RAPGEF4: variants seen among roughly 807,000 people sequenced by gnomAD.
RAPGEF4 encodes the protein RAP guanine-nucleotide-exchange factor (GEF) 4.
In RAPGEF4, 66 loss-of-function variants were observed where a neutral mutation model predicts 147.9. That is an observed-to-expected ratio of 0.45 (90% CI 0.37 to 0.55). The LOEUF (loss-of-function observed/expected upper bound fraction) is 0.55, where lower values mean the gene tolerates loss of function less well. Among genes scored for constraint, RAPGEF4 ranks in the 20% least tolerant of loss-of-function variants. RAPGEF4 has a pLI of 0.00. For synonymous variants in RAPGEF4, 419 were observed against 442.7 expected (o/e 0.95, Z 0.67); for missense variants, 1,071 against 1,257.3 (o/e 0.85, Z 2.24).
chr2:173,028,399 C>T (rs1174650931), intron 25 of RAPGEF4, among the ~76,000 whole-genome samples: 2 of 152,184 alleles, frequency 1.3e-5, no homozygotes, highest in African/African-American at 4.8e-5. Flanking sequence ...AAGAAGCACA[C>T]TCTCTCTCTT....
At chr2:172,770,637 A>G (rs997658141) in intron 1 of RAPGEF4, among the ~76,000 whole-genome samples, 1 of 152,136 alleles carries the variant, frequency 6.6e-6, no homozygotes, top group African/African-American at 2.4e-5. Context: ...TTCACATTGC[A>G]CCCACAGCAT....
At chr2:172,979,781 T>C (rs56281308) in intron 10 of RAPGEF4, among the ~76,000 whole-genome samples, 11,119 of 152,234 alleles carry the variant, frequency 0.073, 602 homozygotes, top group South Asian at 0.16. Flanking sequence ...TTTGGGAGGC[T>C]AAGGCGGGTG....
chr2:173,028,479 G>A (rs577595340), intron 25 of RAPGEF4, among the ~76,000 whole-genome samples: 48 of 152,324 alleles, frequency 3.2e-4, no homozygotes, highest in African/African-American at 1.1e-3. Context: ...TGGGAAGCCA[G>A]AAAATCTTTT....
At chr2:172,864,763 G>C (rs1410082304) in intron 4 of RAPGEF4, among the ~76,000 whole-genome samples, 1 of 152,182 alleles carries the variant, frequency 6.6e-6, no homozygotes, top group African/African-American at 2.4e-5. Context: ...AAATTAGCCA[G>C]GCATGGTGGC....
chr2:172,901,948 T>C (rs1451799028), intron 4 of RAPGEF4, among the ~76,000 whole-genome samples: 1 of 151,972 alleles, frequency 6.6e-6, no homozygotes, highest in East Asian at 1.9e-4. Context: ...GGCATGCCAA[T>C]GACAGAGACA....
intron 4 of RAPGEF4, among the ~76,000 whole-genome samples, chr2:172,852,833 A>G (rs1575042840): frequency 1.3e-5 from 2 of 152,230 alleles, no homozygotes; most frequent in African/African-American, 2.4e-5. Context: ...ACACATTGAT[A>G]TTAAATGTTG....
chr2:173,024,010 T>C (rs1696384600), intron 23 of RAPGEF4, among the ~76,000 whole-genome samples: 1 of 152,124 alleles, frequency 6.6e-6, no homozygotes, highest in Admixed American at 6.5e-5. Context: ...TTGAAATCAT[T>C]CTCCTCATTT....
At chr2:172,856,282 A>G (rs1466297040) in intron 4 of RAPGEF4, among the ~76,000 whole-genome samples, 1 of 151,992 alleles carries the variant, frequency 6.6e-6, no homozygotes, top group Non-Finnish European at 1.5e-5. Flanking sequence ...TGTGTTTTTT[A>G]GTTCTAGAAT....
At chr2:172,836,219 T>A (rs1413383110) in intron 4 of RAPGEF4, among the ~76,000 whole-genome samples, 2 of 152,156 alleles carry the variant, frequency 1.3e-5, no homozygotes, top group Non-Finnish European at 2.9e-5. Flanking sequence ...ATGCCAAAAA[T>A]CTCTCATGTA....
chr2:172,921,101 T>G (rs1264387385), intron 5 of RAPGEF4, among the ~76,000 whole-genome samples: 2 of 152,020 alleles, frequency 1.3e-5, no homozygotes, highest in East Asian at 3.9e-4. Context: ...GTTTTTTGCT[T>G]TTTTGTTTTT....
chr2:172,922,307 A>G lies in RAPGEF4; in HGVS notation c.537+7A>G. ...GATTCCTGACAAGGAGAACGTGAGT[A>G]GCTACTCTCTCTGCCTATCTTCTAA... On this transcript the variant is annotated splice_region_variant and intron_variant, in intron 6 of 30. Transcript: ENST00000397081. 6.2e-7 allele frequency: 1 copy of G among 1,604,452 alleles called. No individual in the cohort carries two copies. The highest frequency in any genetic ancestry group is 8.5e-7 in the Non-Finnish European group (1 of 1,171,380).
At chr2:172,849,074 CT>C (rs71018522) in intron 4 of RAPGEF4, among the ~76,000 whole-genome samples, 461 of 134,092 alleles carry the variant, frequency 3.4e-3, no homozygotes, top group Middle Eastern at 7.6e-3. Context: ...GGGAGCTTTT[CT>C]TTTTTTTTTT....
chr2:172,937,195 T>C (rs953411894), intron 6 of RAPGEF4, among the ~76,000 whole-genome samples: 1 of 151,982 alleles, frequency 6.6e-6, no homozygotes, highest in Non-Finnish European at 1.5e-5. Context: ...TACTCCAGCC[T>C]GGGCAGCAGA....
At chr2:172,759,289 T>A (rs1007046786) in intron 1 of RAPGEF4, among the ~76,000 whole-genome samples, 3 of 152,220 alleles carry the variant, frequency 2.0e-5, no homozygotes, top group African/African-American at 7.2e-5. Context: ...AGATTTTGCA[T>A]ACAAAGTGCA....
intron 3 of RAPGEF4, among the ~76,000 whole-genome samples, chr2:172,804,704 C>T (rs531332768): frequency 3.1e-4 from 47 of 152,308 alleles, no homozygotes; most frequent in African/African-American, 1.0e-3. Context: ...ACAAGCTCCT[C>T]CAGTGTCCGT....
intron 4 of RAPGEF4, among the ~76,000 whole-genome samples, chr2:172,838,613 T>G (rs974608030): frequency 6.6e-6 from 1 of 151,166 alleles, no homozygotes; most frequent in African/African-American, 2.4e-5. Flanking sequence ...TTTTATCACC[T>G]AGATATGGGT....
At chr2:172,761,785 A>G (rs1169080144) in intron 1 of RAPGEF4, among the ~76,000 whole-genome samples, 1 of 151,988 alleles carries the variant, frequency 6.6e-6, no homozygotes, top group African/African-American at 2.4e-5. Flanking sequence ...AGAATGGGTA[A>G]CTCTCAATGC....
chr2:172,983,417 A>G, intron 10 of RAPGEF4, 79 bp from the exon 11 acceptor site: 1 of 1,543,476 alleles, frequency 6.5e-7, no homozygotes, highest in Non-Finnish European at 8.6e-7. Context: ...CATGTTACTG[A>G]TGCCTGGATC....
At chr2:172,981,697 G>A (rs1691702544) in intron 10 of RAPGEF4, among the ~76,000 whole-genome samples, 1 of 152,188 alleles carries the variant, frequency 6.6e-6, no homozygotes, top group Non-Finnish European at 1.5e-5. Context: ...AACTGTCCTT[G>A]GGAAGGTACT....
Sources: gnomAD v4.1 joint callset for allele counts (sites outside exome capture counted in the v4.1 genomes callset) on GRCh38, gnomAD v4.1.1 for gene constraint, MANE v1.5 for transcripts, NCBI Gene and HGNC (gene_info 2026-07-23, HGNC 2026-07-21) for gene names.